The following CADM2 variants were observed in gnomAD, a reference collection of about 807,000 sequenced individuals.
CADM2 encodes the protein cell adhesion molecule 2, also known as immunoglobulin superfamily member 4D.
In CADM2, 12 loss-of-function variants were observed where a neutral mutation model predicts 49.8. The observed-to-expected ratio is 0.24, with a 90% CI of 0.15 to 0.39. The LOEUF is 0.39. CADM2 is among the 10% of genes least tolerant of loss of function. The probability of loss-of-function intolerance (pLI) is 1.00; values close to 1 mark genes in which losing one functional copy is unlikely to be tolerated. For missense variants in CADM2, 378 were observed against 492.3 expected (o/e 0.77, Z 2.20); for synonymous variants, 214 against 175.4 (o/e 1.22, Z -1.74).
At chr3:85,365,754 C>T (rs2032738755) in intron 1 of CADM2, among the ~76,000 whole-genome samples, 2 of 152,066 alleles carry the variant, frequency 1.3e-5, no homozygotes, top group African/African-American at 4.8e-5. Flanking sequence ...CCTGAATATC[C>T]ACTAAAATGT....
chr3:85,925,364 T>G (rs1207058614), intron 6 of CADM2, among the ~76,000 whole-genome samples: 2 of 152,184 alleles, frequency 1.3e-5, no homozygotes, highest in African/African-American at 4.8e-5. Context: ...AAATAATGAT[T>G]GCCACAGAAG....
intron 8 of CADM2, among the ~76,000 whole-genome samples, chr3:86,007,863 A>T (rs1730980281): frequency 6.6e-6 from 1 of 152,226 alleles, no homozygotes. Flanking sequence ...CAAACCATAA[A>T]GATGGTATTT....
intron 1 of CADM2, among the ~76,000 whole-genome samples, chr3:85,310,651 G>GA (rs1048915790): frequency 6.6e-6 from 1 of 152,068 alleles, no homozygotes; most frequent in Non-Finnish European, 1.5e-5. Context: ...GGGAGCATGG[G>GA]AAAAAAGGTT....
intron 1 of CADM2, among the ~76,000 whole-genome samples, chr3:85,547,173 A>G (rs6765991): frequency 0.51 from 77,809 of 151,808 alleles, 23,021 homozygotes; most frequent in East Asian, 0.85. Context: ...TCATTTGAAA[A>G]CTGCATTTTT....
intron 5 of CADM2, among the ~76,000 whole-genome samples, chr3:85,910,866 A>G (rs1717490435): frequency 6.6e-6 from 1 of 152,058 alleles, no homozygotes; most frequent in African/African-American, 2.4e-5. Flanking sequence ...TTTAAAATCA[A>G]TCAATATGAT....
chr3:85,371,398 A>G (rs984859535), intron 1 of CADM2, among the ~76,000 whole-genome samples: 6 of 151,852 alleles, frequency 4.0e-5, no homozygotes, highest in African/African-American at 1.2e-4. Flanking sequence ...CACAAATACC[A>G]TTGTGCTGCA....
intron 8 of CADM2, among the ~76,000 whole-genome samples, chr3:86,042,872 T>G (rs1411073345): frequency 6.6e-6 from 1 of 152,178 alleles, no homozygotes; most frequent in African/African-American, 2.4e-5. Context: ...ATCAAAAAGC[T>G]TATCCAGCAT....
chr3:85,408,075 A>T (rs1299397648), intron 1 of CADM2, among the ~76,000 whole-genome samples: 4 of 149,834 alleles, frequency 2.7e-5, no homozygotes, highest in African/African-American at 9.7e-5. Flanking sequence ...AATTTTATTT[A>T]AAAAATAAGA....
chr3:85,601,349 T>C (rs1219786111), intron 1 of CADM2, among the ~76,000 whole-genome samples: 3 of 150,774 alleles, frequency 2.0e-5, no homozygotes, highest in African/African-American at 7.3e-5. Context: ...AGAAAATTTT[T>C]ATAATTTTTA....
At position 85,056,611 on chromosome 3, in the gene CADM2, G is replaced by T. The variant is rs374236061; in HGVS notation, c.61+96943G>T. Among the ~76,000 whole-genome samples the T allele has an allele frequency of 7.9e-5, 12 of 152,118 alleles. No homozygotes were observed. The South Asian group carries it at 2.5e-3, about 32-fold the overall frequency. On this transcript the variant is annotated intron_variant, in intron 1 of 9. Coordinates refer to ENST00000383699, the MANE Select transcript of CADM2 (RefSeq NM_001167675.2). The stretch of plus-strand genomic sequence containing the variant: ...CCTGCAATTTGCAAAGCATTGTTTG[G>T]CCCTGAGCAACTTACTTTACTTTTG...
At chr3:85,992,045 A>G (rs1374291111) in intron 8 of CADM2, 4 of 151,832 alleles carry the variant, frequency 2.6e-5, no homozygotes, top group Non-Finnish European at 4.4e-5. Flanking sequence ...AATTCCAAAA[A>G]GTTTTCGCTT....
intron 2 of CADM2, among the ~76,000 whole-genome samples, chr3:85,780,151 T>C: frequency 1.3e-5 from 2 of 152,344 alleles, no homozygotes; most frequent in Middle Eastern, 6.8e-3. Context: ...GTTTTTATTT[T>C]TATTTTCATT....
At chr3:85,585,445 T>C (rs982308228) in intron 1 of CADM2, among the ~76,000 whole-genome samples, 10 of 151,864 alleles carry the variant, frequency 6.6e-5, no homozygotes, top group Non-Finnish European at 1.5e-4. Context: ...ATAAGATCTA[T>C]GGTAAGAATG....
At chr3:85,114,425 C>T (rs147839134) in intron 1 of CADM2, among the ~76,000 whole-genome samples, 1 of 152,154 alleles carries the variant, frequency 6.6e-6, no homozygotes, top group African/African-American at 2.4e-5. Flanking sequence ...CCTGGCCTAC[C>T]CAGGTCATTA....
chr3:85,700,830 A>G (rs767101587), intron 1 of CADM2, among the ~76,000 whole-genome samples: 21 of 152,186 alleles, frequency 1.4e-4, no homozygotes, highest in Non-Finnish European at 2.1e-4. Flanking sequence ...AAGAAGTTCA[A>G]AATTTTCCCT....
At chr3:85,041,653 C>T (rs1434611475) in intron 1 of CADM2, among the ~76,000 whole-genome samples, 1 of 152,196 alleles carries the variant, frequency 6.6e-6, no homozygotes, top group East Asian at 1.9e-4. Context: ...CAATTTCCTG[C>T]ATAATTGGCA....
At chr3:85,312,429 A>C (rs2107056979) in intron 1 of CADM2, among the ~76,000 whole-genome samples, 1 of 152,212 alleles carries the variant, frequency 6.6e-6, no homozygotes, top group East Asian at 1.9e-4. Context: ...ACATTGAATA[A>C]AACTAATCTT....
intron 8 of CADM2, among the ~76,000 whole-genome samples, chr3:85,965,119 C>G (rs1725308290): frequency 6.6e-6 from 1 of 151,280 alleles, no homozygotes; most frequent in African/African-American, 2.4e-5. Flanking sequence ...ATAAGCTAAG[C>G]ATTTAGATAA....
intron 3 of CADM2, among the ~76,000 whole-genome samples, chr3:85,881,830 A>G (rs1285244101): frequency 3.3e-5 from 5 of 151,882 alleles, no homozygotes; most frequent in African/African-American, 9.7e-5. Context: ...TGTGTGGGGG[A>G]TGGTTTTGGG....
Sources: gnomAD v4.1 joint callset for allele counts (sites outside exome capture counted in the v4.1 genomes callset) on GRCh38, gnomAD v4.1.1 for gene constraint, MANE v1.5 for transcripts, NCBI Gene and HGNC (gene_info 2026-07-23, HGNC 2026-07-21) for gene names.